C8orf82: variants seen among roughly 807,000 people sequenced by gnomAD.
C8orf82 encodes the protein UPF0598 protein C8orf82.
In C8orf82, 24 loss-of-function variants were observed where a neutral mutation model predicts 15.0. That is an observed-to-expected ratio of 1.60 (90% CI 1.16 to 2.24). The LOEUF is 2.24. C8orf82 is among the 30% of genes most tolerant of loss of function. The pLI is 0.00. For missense variants in C8orf82, 388 were observed against 317.4 expected (o/e 1.22, Z -1.69); for synonymous variants, 205 against 152.2 (o/e 1.35, Z -2.55).
In C8orf82 at chr8:144,527,300, G is replaced by A. The variant is rs1029909163; in HGVS notation, c.*42C>T. On this transcript the variant is annotated 3_prime_UTR_variant, in exon 3 of 3. Transcript: ENST00000524821. ...GGGCGTGGAGTCCCGGGGGAGCGGGGCGAGAGGCGCCCGCGGCCTCCCGCC... is the reference window on the plus strand; with the variant it reads ...GGGCGTGGAGTCCCGGGGGAGCGGGACGAGAGGCGCCCGCGGCCTCCCGCC... 3.5e-6 allele frequency: 4 copies of A among 1,144,326 alleles called. No homozygotes were observed. The African/African-American group carries it at 4.9e-5, about 14-fold the overall frequency. 70.9% of individuals were successfully genotyped at this position (1,144,326 alleles called of 1,614,324 possible). A position where few individuals can be genotyped will look rare whatever the true frequency, so the allele number is the denominator to read the frequency against.
At position 144,528,749 on chromosome 8, in the gene C8orf82, G is replaced by GC. The variant is rs778830257; in HGVS notation, c.156+11dup. On this transcript the variant is annotated intron_variant, in intron 1 of 2. Transcript: ENST00000524821. ...GCCCCGCCTCTCGAGCAACGGCCCT[G>GC]CCCCCGCCCACCTGGCCCTGGTGGT... 9.9e-6 allele frequency: 11 copies of GC among 1,107,390 alleles called. No individual in the cohort carries two copies. Among genetic ancestry groups the GC allele is most frequent in the African/African-American group, 8.7e-5 (4 of 46,032 alleles). The allele number at this position is 1,107,390 out of a possible 1,614,324, so 68.6% of individuals were successfully genotyped here.
In C8orf82 at chr8:144,527,784, G is replaced by A. The variant is rs762783867; in HGVS notation, c.209C>T (p.Pro70Leu). The A allele has an allele frequency of 1.1e-5, 17 of 1,594,006 alleles. No individual in the cohort carries two copies. The Admixed American group carries it at 2.0e-4, about 19-fold the overall frequency. The change falls in exon 3 of 3, where the codon CCG becomes CTG. Residue 70 changes from proline to leucine, a missense_variant. Pro to Leu is a moderately conservative substitution (Grantham distance 98). Coordinates refer to ENST00000524821, the MANE Select transcript of C8orf82 (RefSeq NM_001001795.2). ...MKNFITCFKD[P>L]QFLVTFFSRL... Reference sequence around the variant, plus strand: ...GGAGAAGAAGGTGACCAGGAACTGCGGGTCTGGGGGATGAAGGGTGCGTGT... The same window carrying A: ...GGAGAAGAAGGTGACCAGGAACTGCAGGTCTGGGGGATGAAGGGTGCGTGT...
chr8:144,528,910 G>A lies in C8orf82; in HGVS notation c.7C>T (p.Pro3Ser). The change falls in exon 1 of 3, where the codon CCG becomes TCG. Residue 3 changes from proline (P) to serine (S), a missense_variant. Coordinates refer to ENST00000524821, the MANE Select transcript of C8orf82 (RefSeq NM_001001795.2). MW[P>S]PCGTLRTLAL... ...AGGGTCCGGAGCGTCCCGCAAGGCG[G>A]CCACATTCTCCTCCCGCGCCGGAAG... 3 of 1,508,804 alleles carry A rather than the reference G, an allele frequency of 2.0e-6. No homozygotes were observed. The highest frequency in any genetic ancestry group is 2.2e-5 in the Admixed American group (1 of 45,530). 93.5% of individuals were successfully genotyped at this position (1,508,804 alleles called of 1,614,324 possible).
In C8orf82 at chr8:144,528,005, G is replaced by C; in HGVS notation, c.205+19C>G. The C allele has an allele frequency of 6.2e-7, 1 of 1,611,458 alleles. No homozygotes were observed. Among genetic ancestry groups the C allele is most frequent in the Non-Finnish European group, 8.5e-7 (1 of 1,178,930 alleles). ...CGGAAGGGAGAAAGAAGGGGCTGGA[G>C]AGGGAGGCACAGCATTACCTTTGAA... On this transcript the variant is annotated intron_variant, in intron 2 of 2. Transcript: ENST00000524821.
chr8:144,528,517 C>T, intron 1 of C8orf82: 1 of 1,406,160 alleles, frequency 7.1e-7, no homozygotes, highest in Non-Finnish European at 9.3e-7. Context: ...AGGGACGCGG[C>T]CCATGTAGGA....
Position 144,527,705 on chromosome 8 carries a change from C to T in C8orf82, c.288G>A (p.Ser96=). Residue 96 remains serine (S), a synonymous_variant, in exon 3 of 3, where the codon TCG becomes TCA. Transcript: ENST00000524821. ...GGAAGTTGCGCTCTCTGCCGCAGGG[C>T]GAGAGGAAGGGGAAAGCGGCCTCGT... ...GRYEAAFPFL[S]PCGRERNFLR... is the part of the protein sequence containing the mutation. The T allele has an allele frequency of 6.3e-7, 1 of 1,586,364 alleles. No individual in the cohort carries two copies. The highest frequency in any genetic ancestry group is 8.5e-7 in the Non-Finnish European group (1 of 1,173,714).
rs573845208 is a variant in C8orf82, at chr8:144,525,901, G to A, written c.*1441C>T. On this transcript the variant is annotated 3_prime_UTR_variant, in exon 3 of 3. Coordinates refer to ENST00000524821, the MANE Select transcript of C8orf82 (RefSeq NM_001001795.2). ...GACCTCTGAGATCAGCAAGGAGCAG[G>A]GAGTTTGCTGGGGGACCATATACAT... 2.0e-5 allele frequency: 3 copies of A among 152,314 alleles called. No homozygotes were observed. The highest frequency in any genetic ancestry group is 7.2e-5 in the African/African-American group (3 of 41,562). 9.4% of individuals were successfully genotyped at this position (152,314 alleles called of 1,614,324 possible). A position where few individuals can be genotyped will look rare whatever the true frequency, so the allele number is the denominator to read the frequency against.
In C8orf82 at chr8:144,527,514, T is replaced by C; in HGVS notation, c.479A>G (p.Glu160Gly). The C allele has an allele frequency of 7.5e-7, 1 of 1,329,154 alleles. No individual in the cohort carries two copies. The highest frequency in any genetic ancestry group is 9.6e-7 in the Non-Finnish European group (1 of 1,043,866). The allele number at this position is 1,329,154 out of a possible 1,614,324, so 82.3% of individuals were successfully genotyped here. The change falls in exon 3 of 3, where the codon GAG becomes GGG. Residue 160 changes from glutamate (E) to glycine (G), a missense_variant. By Grantham distance (98) the Glu-to-Gly change is moderately conservative (BLOSUM62 -2). Transcript: ENST00000524821. ...ANGRLYHPAP[E>G]RAGGVGLVRS... ...CACCAGGCCCACGCCGCCCGCACGC[T>C]CCGGCGCCGGGTGGTACAGGCGCCC...
chr8:144,528,255 C>T (rs760122904), intron 1 of C8orf82, 183 bp from the exon 2 acceptor site: 1 of 1,495,990 alleles, frequency 6.7e-7, no homozygotes, highest in South Asian at 1.3e-5. Context: ...GACTTATCCG[C>T]GTCTATGCGC....
Position 144,529,067 on chromosome 8 carries a change from G to A in C8orf82, c.-151C>T, listed in dbSNP as rs1156865171. The A allele has an allele frequency of 1.3e-6, 1 of 758,880 alleles. No individual in the cohort carries two copies. The highest frequency in any genetic ancestry group is 3.6e-5 in the East Asian group (1 of 27,734). 47.0% of individuals were successfully genotyped at this position (758,880 alleles called of 1,614,324 possible). A position where few individuals can be genotyped will look rare whatever the true frequency, so the allele number is the denominator to read the frequency against. On this transcript the variant is annotated 5_prime_UTR_variant, in exon 1 of 3. Coordinates refer to ENST00000524821, the MANE Select transcript of C8orf82 (RefSeq NM_001001795.2). ...CGCTCTTCCCTCTCCCTCGGGCCTCGGGGGCTCGCCCGCCCTGGCCTTCCG... is the reference window on the plus strand; with the variant it reads ...CGCTCTTCCCTCTCCCTCGGGCCTCAGGGGCTCGCCCGCCCTGGCCTTCCG...
chr8:144,527,618 C>T lies in C8orf82; in HGVS notation c.375G>A (p.Pro125=). The T allele has an allele frequency of 1.3e-6, 2 of 1,529,812 alleles. No individual in the cohort carries two copies. The highest frequency in any genetic ancestry group is 1.7e-6 in the Non-Finnish European group (2 of 1,143,344). The allele number at this position is 1,529,812 out of a possible 1,614,324, so 94.8% of individuals were successfully genotyped here. Residue 125 remains proline (P), a synonymous_variant, in exon 3 of 3, where the codon CCG becomes CCA. Coordinates refer to ENST00000524821, the MANE Select transcript of C8orf82 (RefSeq NM_001001795.2). The part of the protein sequence containing the change: ...THLLTADHGP[P]RLSYCGGGEA... ...CGCCACCGCCGCAGTAGGAGAGGCG[C>T]GGAGGCCCGTGGTCCGCGGTCAGCA... is the stretch of plus-strand genomic sequence containing the variant.
intron 1 of C8orf82, 145 bp downstream of exon 1, chr8:144,528,616 C>CCGGGGGG: frequency 1.4e-5 from 4 of 296,004 alleles, no homozygotes; most frequent in Non-Finnish European, 2.0e-5. Flanking sequence ...GCGCAGGCCC[C>CCGGGGGG]GCCCACCCAC....
chr8:144,528,615 C>CGGGGGGGGGGGGGGGGGG, intron 1 of C8orf82, 146 bp downstream of exon 1: 5 of 268,474 alleles, frequency 1.9e-5, no homozygotes, highest in Non-Finnish European at 2.9e-5. Flanking sequence ...CGCGCAGGCC[C>CGGGGGGGGGGGGGGGGGG]CGCCCACCCA....
chr8:144,528,256 G>A (rs1461686932), intron 1 of C8orf82, 184 bp from the exon 2 acceptor site: 1 of 1,497,676 alleles, frequency 6.7e-7, no homozygotes, highest in East Asian at 2.5e-5. Flanking sequence ...ACTTATCCGC[G>A]TCTATGCGCA....
Position 144,525,869 on chromosome 8 carries a change from G to A in C8orf82, c.*1473C>T, listed in dbSNP as rs1330836517. ...GTGGCTTCCCAAGTGGGCTCTGGGA[G>A]CAGTGTGACCTCTGAGATCAGCAAG... On this transcript the variant is annotated 3_prime_UTR_variant, in exon 3 of 3. Transcript: ENST00000524821. 1 of 152,218 alleles carries A rather than the reference G, an allele frequency of 6.6e-6. No homozygotes were observed. The highest frequency in any genetic ancestry group is 2.4e-5 in the African/African-American group (1 of 41,426). The allele number at this position is 152,218 out of a possible 1,614,324, so 9.4% of individuals were successfully genotyped here.
At chr8:144,528,709 C>CCCACA in intron 1 of C8orf82, 52 bp downstream of exon 1, 1 of 803,984 alleles carries the variant, frequency 1.2e-6, no homozygotes, top group Non-Finnish European at 1.6e-6. Flanking sequence ...CCGCCCCGCC[C>CCCACA]AGAGACCTCT....
At chr8:144,527,833 G>A in intron 2 of C8orf82, 46 bp from the exon 3 acceptor site, 1 of 1,577,486 alleles carries the variant, frequency 6.3e-7, no homozygotes, top group South Asian at 1.1e-5. Flanking sequence ...GGCTCCCAAG[G>A]CCTCCGGGCC....
chr8:144,528,926 G>A lies in C8orf82; in HGVS notation c.-10C>T, dbSNP rs1446815155. The stretch of plus-strand genomic sequence containing the variant: ...CGCAAGGCGGCCACATTCTCCTCCC[G>A]CGCCGGAAGCGACCAGCAGGTCACG... On this transcript the variant is annotated 5_prime_UTR_variant, in exon 1 of 3. Transcript: ENST00000524821. 6.7e-7 allele frequency: 1 copy of A among 1,500,654 alleles called. No homozygotes were observed. The highest frequency in any genetic ancestry group is 8.9e-7 in the Non-Finnish European group (1 of 1,128,108). 93.0% of individuals were successfully genotyped at this position (1,500,654 alleles called of 1,614,324 possible).
chr8:144,528,482 A>G lies in C8orf82; in HGVS notation c.156+279T>C, dbSNP rs1375247657. 5 of 1,456,680 alleles carry G rather than the reference A, an allele frequency of 3.4e-6. No individual in the cohort carries two copies. The Admixed American group carries it at 8.9e-5, about 26-fold the overall frequency. 90.2% of individuals were successfully genotyped at this position (1,456,680 alleles called of 1,614,324 possible). On this transcript the variant is annotated intron_variant, in intron 1 of 2. Coordinates refer to ENST00000524821, the MANE Select transcript of C8orf82 (RefSeq NM_001001795.2). ...CGCCGGGGCTGGGGACTTGTAGGAC[A>G]GAGTCCGAAGCTGCACAACGCAGCA...
Sources: gnomAD v4.1 joint callset for allele counts on GRCh38, gnomAD v4.1.1 for gene constraint, MANE v1.5 for transcripts, NCBI Gene and HGNC (gene_info 2026-07-23, HGNC 2026-07-21) for gene names.